The following EPHA4 variants were observed in gnomAD, a reference collection of about 807,000 sequenced individuals.
The protein encoded by EPHA4 is EPH receptor A4, also known as ephrin type-A receptor 4.
A neutral mutation model predicts 108.3 loss-of-function variants in EPHA4; 19 were observed. That is an observed-to-expected ratio of 0.18 (90% confidence interval 0.12 to 0.26). The LOEUF (loss-of-function observed/expected upper bound fraction) is 0.26, where lower values mean the gene tolerates loss of function less well. EPHA4 is among the 10% of genes least tolerant of loss of function. EPHA4 has a pLI of 1.00. For missense variants in EPHA4, 917 were observed against 1,254.0 expected, an observed-to-expected ratio of 0.73 and a Z score of 4.06; for synonymous variants, 449 against 455.5, an observed-to-expected ratio of 0.99 and a Z score of 0.18.
chr2:221,518,192 T>A (rs556686051), intron 3 of EPHA4, among the ~76,000 whole-genome samples: 47 of 152,312 alleles, frequency 3.1e-4, no homozygotes, highest in African/African-American at 1.1e-3. Context: ...CTGTTCATGC[T>A]TCCCCCTCCC....
intron 3 of EPHA4, among the ~76,000 whole-genome samples, chr2:221,536,770 G>C (rs1337778031): frequency 2.6e-5 from 4 of 152,204 alleles, no homozygotes; most frequent in African/African-American, 9.6e-5. Flanking sequence ...TTGGTCAGTG[G>C]CCAGACTTTG....
Position 221,438,678 on chromosome 2 carries a change from G to A in EPHA4, c.2075-1556C>T, listed in dbSNP as rs112955170. On this transcript the variant is annotated intron_variant, in intron 11 of 17. Transcript: ENST00000281821. ...TACGCACTTGCAGTCCCAGCTTCTC[G>A]GGAGGCTGAGACAAGAGAATCACTT... Among the ~76,000 whole-genome samples, 9 of 152,034 alleles carry A rather than the reference G, an allele frequency of 5.9e-5. No individual in the cohort carries two copies. The East Asian group carries it at 1.5e-3, about 26-fold the overall frequency.
intron 17 of EPHA4, among the ~76,000 whole-genome samples, chr2:221,422,222 G>T (rs1689780627): frequency 6.6e-6 from 1 of 152,118 alleles, no homozygotes. Context: ...TCTGGAAATC[G>T]GTCAAATCCA....
intron 3 of EPHA4, among the ~76,000 whole-genome samples, chr2:221,512,223 TA>T (rs1381941011): frequency 6.6e-6 from 1 of 152,104 alleles, no homozygotes; most frequent in Non-Finnish European, 1.5e-5. Flanking sequence ...AAATGGATGC[TA>T]AAAATTAAAA....
intron 3 of EPHA4, among the ~76,000 whole-genome samples, chr2:221,519,240 T>A (rs935453387): frequency 5.9e-5 from 9 of 152,266 alleles, no homozygotes; most frequent in Non-Finnish European, 1.0e-4. Context: ...ACTTTTTTTT[T>A]AAAGCAGGAT....
chr2:221,421,562 T>A (rs1349024248), intron 17 of EPHA4, among the ~76,000 whole-genome samples: 1 of 152,212 alleles, frequency 6.6e-6, no homozygotes, highest in East Asian at 1.9e-4. Context: ...GCTGGAATTC[T>A]AGACATCAGC....
At chr2:221,436,134 C>T (rs1010958363) in intron 13 of EPHA4, among the ~76,000 whole-genome samples, 1 of 151,774 alleles carries the variant, frequency 6.6e-6, no homozygotes, top group Non-Finnish European at 1.5e-5. Context: ...CTTCCCCCTG[C>T]CCTCCCAAAA....
At chr2:221,545,240 TGGGCGGATCACGAGGTC>T (rs1290925534) in intron 3 of EPHA4, among the ~76,000 whole-genome samples, 6 of 61,498 alleles carry the variant, frequency 9.8e-5, no homozygotes, top group Admixed American at 7.6e-4. Context: ...GAGGTCGAGG[TGGGCGGATCACGAGGTC>T]GGGAGATCGA....
intron 1 of EPHA4, among the ~76,000 whole-genome samples, chr2:221,570,344 A>T (rs1036068200): frequency 1.6e-4 from 24 of 151,642 alleles, no homozygotes; most frequent in African/African-American, 5.3e-4. Context: ...GAGGGGGTTT[A>T]AAAAAAAGAA....
chr2:221,505,493 T>C (rs923105520), intron 3 of EPHA4, among the ~76,000 whole-genome samples: 13 of 151,978 alleles, frequency 8.6e-5, no homozygotes, highest in African/African-American at 3.1e-4. Flanking sequence ...GCCCGGCTAA[T>C]TTTTATATTT....
In EPHA4 at chr2:221,461,963, C is replaced by G. The variant is rs181589148; in HGVS notation, c.1319-3973G>C. Among the ~76,000 whole-genome samples, 10 of 146,392 alleles carry G rather than the reference C, an allele frequency of 6.8e-5. No homozygotes were observed. The East Asian group carries it at 2.1e-3, about 31-fold the overall frequency. On this transcript the variant is annotated intron_variant, in intron 5 of 17. Transcript: ENST00000281821. ...TGTCAGAAGCAAAGCCAGGAAGAAG[C>G]TGGGGGGCTGATGAACACATTCTTT... is the stretch of plus-strand genomic sequence containing the variant.
rs931675047 is a variant in EPHA4 at position 221,562,530 on chromosome 2, G to C, written c.823+1201C>G. 5.9e-5 allele frequency among the ~76,000 whole-genome samples: 9 copies of C among 152,112 alleles called. No homozygotes were observed. In the East Asian group the frequency reaches 1.7e-3, roughly 29 times the overall value. On this transcript the variant is annotated intron_variant, in intron 3 of 17. Transcript: ENST00000281821. ...ATTGTTTGGCAGTCAGTTAATTCAG[G>C]CCCTTTAACCACCAAATCAGATGAA...
chr2:221,571,769 C>A lies in EPHA4; in HGVS notation c.91+389G>T, dbSNP rs1480719378. On this transcript the variant is annotated intron_variant, in intron 1 of 17. Coordinates refer to ENST00000281821, the MANE Select transcript of EPHA4 (RefSeq NM_004438.5). This position sits in a 1 kb window ranked among gnomAD's most constrained non-coding sequence, Gnocchi z 6.3. ...CCGGGAGCACCAAGCCTTCACTGTG[C>A]TCCAGGCTGCGTTTTCCCCTCGCCC... Among the ~76,000 whole-genome samples the A allele has an allele frequency of 6.6e-6, 1 of 152,156 alleles. No homozygotes were observed.
upstream of EPHA4, chr2:221,573,963 T>C (rs566497144): frequency 5.9e-5 from 9 of 152,248 alleles, no homozygotes; most frequent in African/African-American, 2.2e-4. This position sits in a 1 kb window ranked among gnomAD's most constrained non-coding sequence, Gnocchi z 4.5. Flanking sequence ...TAACAAACCT[T>C]CCGGGGGTTG....
At chr2:221,533,737 A>G (rs1205489524) in intron 3 of EPHA4, among the ~76,000 whole-genome samples, 1 of 150,426 alleles carries the variant, frequency 6.6e-6, no homozygotes, top group African/African-American at 2.4e-5. Context: ...AAAAAAAAAA[A>G]AAAAAAAAAA....
chr2:221,572,711 G>C (rs1694888658), upstream of EPHA4: 2 of 152,816 alleles, frequency 1.3e-5, no homozygotes, highest in Non-Finnish European at 2.9e-5. Flanking sequence ...AATAAAAGAA[G>C]TCTAAGCTGA....
At chr2:221,523,829 TC>T (rs1693244015) in intron 3 of EPHA4, among the ~76,000 whole-genome samples, 1 of 141,104 alleles carries the variant, frequency 7.1e-6, no homozygotes, top group East Asian at 2.3e-4. Flanking sequence ...ACTCCTGAAC[TC>T]AAATGACAGC....
intron 3 of EPHA4, among the ~76,000 whole-genome samples, chr2:221,555,783 C>A (rs1301515506): frequency 6.6e-6 from 1 of 152,118 alleles, no homozygotes; most frequent in Admixed American, 6.5e-5. Context: ...GAGCACTGAG[C>A]CATGTTATTG....
intron 2 of EPHA4, 77 bp from the exon 3 acceptor site, chr2:221,564,471 T>G: frequency 7.1e-7 from 1 of 1,403,794 alleles, no homozygotes; most frequent in Non-Finnish European, 9.7e-7. Flanking sequence ...TTTATTCTCA[T>G]AGGACACCTG....
Sources: gnomAD v4.1 joint callset for allele counts (sites outside exome capture counted in the v4.1 genomes callset) on GRCh38, gnomAD v4.1.1 for gene constraint, Gnocchi (gnomAD v3.1) non-coding constraint, MANE v1.5 for transcripts, NCBI Gene and HGNC (gene_info 2026-07-23, HGNC 2026-07-21) for gene names.